WDR27: variants seen among roughly 807,000 people sequenced by gnomAD.
The protein encoded by WDR27 is WD repeat domain 27.
WDR27 carries 100 observed loss-of-function variants against 114.4 expected under a neutral mutation model. The observed-to-expected ratio is 0.87, with a 90% CI of 0.74 to 1.03. WDR27 has a LOEUF of 1.03. WDR27 is among the 50% of genes least tolerant of loss of function. The probability of loss-of-function intolerance (pLI) is 0.00; values close to 1 mark genes in which losing one functional copy is unlikely to be tolerated. For missense variants in WDR27, 1,129 were observed against 1,092.9 expected (o/e 1.03, Z -0.47); for synonymous variants, 449 against 423.1 (o/e 1.06, Z -0.75).
intron 7 of WDR27, 42 bp downstream of exon 7, chr6:169,665,444 G>A: frequency 6.3e-7 from 1 of 1,592,282 alleles, no homozygotes; most frequent in Non-Finnish European, 8.5e-7. Flanking sequence ...CTCACGTTCA[G>A]GCATGTCTGG....
chr6:169,658,232 G>GC lies in WDR27; in HGVS notation c.1402+43dup, dbSNP rs367592250. ...CAGCAGCCCTAACCACAATGAGAACGCATCAGCCTTGTATTCTTAGATCTC... is the reference window on the plus strand; with the variant it reads ...CAGCAGCCCTAACCACAATGAGAACGCCATCAGCCTTGTATTCTTAGATCTC... On this transcript the variant is annotated intron_variant, in intron 13 of 25. Transcript: ENST00000448612. 8.2e-4 allele frequency: 1,192 copies of GC among 1,462,206 alleles called. 17 individuals carry two copies. The African/African-American group carries it at 0.014, about 18-fold the overall frequency. 90.6% of individuals were successfully genotyped at this position (1,462,206 alleles called of 1,614,324 possible).
chr6:169,616,638 T>C (rs929459008), intron 21 of WDR27, among the ~76,000 whole-genome samples: 1 of 152,108 alleles, frequency 6.6e-6, no homozygotes, highest in Non-Finnish European at 1.5e-5. Context: ...GGTGAGTCAA[T>C]GAATATCTGG....
chr6:169,452,494 TGGGGTCAGAGAGGAGCCGTGCG>T, downstream of WDR27, among the ~76,000 whole-genome samples: 1 of 17,246 alleles, frequency 5.8e-5, no homozygotes, highest in East Asian at 1.8e-3. Flanking sequence ...GCCCCGGACG[TGGGGTCAGAGAGGAGCCGTGCG>T]TGGGGTCAGA....
chr6:169,520,768 A>G (rs1427159904), intron 25 of WDR27, among the ~76,000 whole-genome samples: 1 of 152,194 alleles, frequency 6.6e-6, no homozygotes, highest in Admixed American at 6.6e-5. Flanking sequence ...GGCTCTCAAC[A>G]GTAGAATGGA....
chr6:169,483,650 T>C (rs1232187602), intron 25 of WDR27, among the ~76,000 whole-genome samples: 1 of 152,052 alleles, frequency 6.6e-6, no homozygotes, highest in African/African-American at 2.4e-5. Context: ...CCCCAACTCA[T>C]TCTATGATGC....
intron 8 of WDR27, among the ~76,000 whole-genome samples, chr6:169,662,982 C>T (rs184028012): frequency 3.3e-5 from 5 of 149,352 alleles, no homozygotes; most frequent in Admixed American, 1.3e-4. Context: ...CAGCATGACG[C>T]GTGTGCACCA....
At chr6:169,489,450 G>A (rs140335333) in intron 25 of WDR27, among the ~76,000 whole-genome samples, 12 of 152,354 alleles carry the variant, frequency 7.9e-5, no homozygotes, top group African/African-American at 2.9e-4. Flanking sequence ...ATCGCCCGCT[G>A]TGATCTACAG....
chr6:169,606,836 G>T (rs1353328235), intron 22 of WDR27, among the ~76,000 whole-genome samples: 4 of 152,220 alleles, frequency 2.6e-5, no homozygotes, highest in African/African-American at 9.6e-5. Context: ...CCCAGTAATG[G>T]GATTGCTGGG....
intron 2 of WDR27, among the ~76,000 whole-genome samples, chr6:169,687,578 A>G (rs1783335148): frequency 6.6e-6 from 1 of 152,218 alleles, no homozygotes; most frequent in Non-Finnish European, 1.5e-5. Flanking sequence ...AGGTGAAGAT[A>G]TGGTTCAACT....
At chr6:169,625,049 G>A (rs146095266) in intron 21 of WDR27, among the ~76,000 whole-genome samples, 66 of 152,326 alleles carry the variant, frequency 4.3e-4, no homozygotes, top group Non-Finnish European at 8.8e-4. Context: ...AAACACACAC[G>A]TAGCTGCTTC....
At chr6:169,497,232 A>G (rs572838708) in intron 25 of WDR27, among the ~76,000 whole-genome samples, 1 of 152,278 alleles carries the variant, frequency 6.6e-6, no homozygotes, top group South Asian at 2.1e-4. Flanking sequence ...AAATGAATGA[A>G]GTTGGAACTT....
intron 24 of WDR27, among the ~76,000 whole-genome samples, chr6:169,574,562 C>T (rs913476739): frequency 2.6e-5 from 4 of 152,192 alleles, no homozygotes; most frequent in Non-Finnish European, 5.9e-5. Flanking sequence ...GCAGGGTTCC[C>T]AGAACGTGCC....
At chr6:169,619,821 G>A (rs1812693189) in intron 21 of WDR27, among the ~76,000 whole-genome samples, 2 of 152,150 alleles carry the variant, frequency 1.3e-5, no homozygotes, top group Admixed American at 6.5e-5. Flanking sequence ...CTCTTAATCT[G>A]TTTAGGATTG....
chr6:169,688,959 C>T lies in WDR27; in HGVS notation c.47G>A (p.Ser16Asn). ...DIFSSNGGCL[S>N]DIVIEKYLVE... ...CAGGTATTTTTCTATAACTATATCA[C>T]TTAGACAGCCACCATTACTTGAGAA... The change falls in exon 2 of 26, where the codon AGT (serine) becomes AAT (asparagine). Residue 16 changes from serine (S) to asparagine (N), a missense_variant. Physicochemically the swap from Ser to Asn is conservative, Grantham distance 46 (BLOSUM62 1). Coordinates refer to ENST00000448612, the MANE Select transcript of WDR27 (RefSeq NM_182552.5). 1 of 1,613,236 alleles carries T rather than the reference C, an allele frequency of 6.2e-7. No individual in the cohort carries two copies. The highest frequency in any genetic ancestry group is 1.3e-5 in the African/African-American group (1 of 75,040).
chr6:169,651,087 G>A (rs1822330142), intron 14 of WDR27, among the ~76,000 whole-genome samples: 1 of 151,106 alleles, frequency 6.6e-6, no homozygotes. Context: ...GGTGGGAGTT[G>A]GGGAGTGGCC....
At chr6:169,536,139 T>C (rs1264537584) in intron 25 of WDR27, among the ~76,000 whole-genome samples, 1 of 152,192 alleles carries the variant, frequency 6.6e-6, no homozygotes, top group Non-Finnish European at 1.5e-5. Context: ...AATGAAGTAC[T>C]GGGCTAATAG....
chr6:169,432,859 AG>A, the WDR27 span, among the ~76,000 whole-genome samples: 5 of 152,188 alleles, frequency 3.3e-5, no homozygotes, highest in African/African-American at 1.2e-4. Context: ...AGAAGAAGAC[AG>A]GAAAATGTGG....
intron 25 of WDR27, among the ~76,000 whole-genome samples, chr6:169,545,543 G>T (rs931920760): frequency 1.3e-5 from 2 of 152,082 alleles, no homozygotes; most frequent in African/African-American, 2.4e-5. Flanking sequence ...TTAGTGCAGC[G>T]TGGTGGTGCC....
At chr6:169,465,542 G>T (rs1785471417) in intron 25 of WDR27, among the ~76,000 whole-genome samples, 1 of 152,008 alleles carries the variant, frequency 6.6e-6, no homozygotes, top group Non-Finnish European at 1.5e-5. Flanking sequence ...TTCACCTCTG[G>T]GTATATATGC....
Sources: allele counts gnomAD v4.1 joint callset (sites outside exome capture counted in the v4.1 genomes callset), GRCh38; gene constraint gnomAD v4.1.1; transcripts MANE v1.5; gene names NCBI Gene and HGNC (gene_info 2026-07-23, HGNC 2026-07-21).